GDAP1L1: variants seen among roughly 807,000 people sequenced by gnomAD.
GDAP1L1 encodes the protein ganglioside induced differentiation associated protein 1 like 1, also known as ganglioside-induced differentiation-associated protein 1-like 1.
Under a neutral mutation model 37.1 loss-of-function variants are expected in GDAP1L1, and 21 were observed. That is an observed-to-expected ratio of 0.57 (90% confidence interval 0.40 to 0.81). The LOEUF (loss-of-function observed/expected upper bound fraction) is 0.81, where lower values mean the gene tolerates loss of function less well. Among genes scored for constraint, GDAP1L1 ranks in the 40% least tolerant of loss-of-function variants. The probability of loss-of-function intolerance (pLI) is 0.00; values close to 1 mark genes in which losing one functional copy is unlikely to be tolerated. For synonymous variants in GDAP1L1, 193 were observed against 209.1 expected, an observed-to-expected ratio of 0.92 and a Z score of 0.67; for missense variants, 362 against 491.6, an observed-to-expected ratio of 0.74 and a Z score of 2.49.
At chr20:44,265,534 A>C (rs929583260) in intron 5 of GDAP1L1, 2 of 957,990 alleles carry the variant, frequency 2.1e-6, no homozygotes, top group Admixed American at 6.2e-5. Flanking sequence ...GAGTAAGAAA[A>C]ACTTGAAATA....
chr20:44,248,586 C>A (rs952460694), intron 1 of GDAP1L1, among the ~76,000 whole-genome samples: 2 of 152,258 alleles, frequency 1.3e-5, no homozygotes, highest in Non-Finnish European at 2.9e-5. Context: ...TAGCCACTTC[C>A]AATCCCAACC....
chr20:44,271,743 C>G (rs750821064), intron 5 of GDAP1L1, among the ~76,000 whole-genome samples: 2 of 151,958 alleles, frequency 1.3e-5, no homozygotes, highest in Non-Finnish European at 2.9e-5. Context: ...AAGGGGGAAT[C>G]GGGGGTTCAG....
chr20:44,257,266 G>A lies in GDAP1L1; in HGVS notation c.294G>A (p.Val98=). 6.2e-7 allele frequency: 1 copy of A among 1,613,832 alleles called. No individual in the cohort carries two copies. Among genetic ancestry groups the A allele is most frequent in the South Asian group, 1.1e-5 (1 of 91,028 alleles). ...TGCGGCTCAACCTGGGCGAGGAGGTGCCCGTCATCATCCACCGCGACAACA... is the reference window on the plus strand; with the variant it reads ...TGCGGCTCAACCTGGGCGAGGAGGTACCCGTCATCATCCACCGCGACAACA... ...WFMRLNLGEE[V]PVIIHRDNII... is the part of the protein sequence containing the mutation. The change falls in exon 2 of 6, where the codon GTG becomes GTA. Residue 98 remains valine, a synonymous_variant. Transcript: ENST00000342560.
chr20:44,256,989 G>T (rs1433751884), intron 1 of GDAP1L1, among the ~76,000 whole-genome samples, 164 bp from the exon 2 acceptor site: 2 of 152,120 alleles, frequency 1.3e-5, no homozygotes, highest in Non-Finnish European at 2.9e-5. Flanking sequence ...ACATGCCCCT[G>T]GGAGATATCC....
intron 1 of GDAP1L1, among the ~76,000 whole-genome samples, chr20:44,251,370 T>G (rs906125961): frequency 1.3e-5 from 2 of 152,184 alleles, no homozygotes; most frequent in African/African-American, 4.8e-5. Flanking sequence ...CTGTCTTGGA[T>G]GTACCTCTGG....
Position 44,276,355 on chromosome 20 carries a change from A to AAAGGAAGGAAGGAAGGAAGGAAGGAAGG in GDAP1L1, c.761-2599_761-2572dup, listed in dbSNP as rs3037695. ...GTCAAAAAGAAAGAAAGAAAGAAGG[A>AAAGGAAGGAAGGAAGGAAGGAAGGAAGG]AAGGAAGGAAGGAAGGAAGGAAGGA... is the stretch of plus-strand genomic sequence containing the variant. On this transcript the variant is annotated intron_variant, in intron 5 of 5. Transcript: ENST00000342560. Among the ~76,000 whole-genome samples, 550 of 130,296 alleles carry AAAGGAAGGAAGGAAGGAAGGAAGGAAGG rather than the reference A, an allele frequency of 4.2e-3. 8 individuals carry two copies. The highest frequency in any genetic ancestry group is 0.013 in the African/African-American group (413 of 32,734). The allele number at this position is 130,296 out of a possible 152,430, so 85.5% of individuals were successfully genotyped here.
rs1370650589 is a variant in GDAP1L1 at position 44,258,664 on chromosome 20, T to C, written c.547+57T>C. The C allele has an allele frequency of 3.0e-6, 4 of 1,324,376 alleles. No homozygotes were observed. The Admixed American group carries it at 6.1e-5, about 20-fold the overall frequency. 82.0% of individuals were successfully genotyped at this position (1,324,376 alleles called of 1,614,324 possible). On this transcript the variant is annotated intron_variant, in intron 3 of 5. Transcript: ENST00000342560. ...GCTTTCCCCCTTTGCGCCGCTCCTT[T>C]CTTCCAAAGGATGTCCTCCCTCTCC...
At chr20:44,278,153 CAAA>C (rs3037697) in intron 5 of GDAP1L1, among the ~76,000 whole-genome samples, 140 of 85,984 alleles carry the variant, frequency 1.6e-3, no homozygotes, top group African/African-American at 4.5e-3. Context: ...GACTCCATCT[CAAA>C]AAAAAAAAAA....
intron 5 of GDAP1L1, among the ~76,000 whole-genome samples, chr20:44,270,559 G>C (rs2062504363): frequency 6.6e-6 from 1 of 152,178 alleles, no homozygotes; most frequent in African/African-American, 2.4e-5. Context: ...TCTGAGTCAG[G>C]GTTGCTTGAT....
intron 5 of GDAP1L1, among the ~76,000 whole-genome samples, chr20:44,272,094 G>A (rs1186988417): frequency 2.0e-5 from 3 of 152,148 alleles, no homozygotes; most frequent in African/African-American, 7.2e-5. Context: ...CTAACTTTCC[G>A]AAGCCAGAGG....
chr20:44,275,421 G>T (rs1158761425), intron 5 of GDAP1L1, among the ~76,000 whole-genome samples: 1 of 152,168 alleles, frequency 6.6e-6, no homozygotes, highest in African/African-American at 2.4e-5. Flanking sequence ...ACGGTAGGGA[G>T]CACTGGACTC....
intron 1 of GDAP1L1, 102 bp from the exon 2 acceptor site, chr20:44,257,049 CTG>C: frequency 1.7e-6 from 2 of 1,200,144 alleles, no homozygotes; most frequent in Non-Finnish European, 2.3e-6. Flanking sequence ...GTGTCCCCTC[CTG>C]TGTGTGACCT....
chr20:44,272,853 C>T lies in GDAP1L1; in HGVS notation c.761-6104C>T, dbSNP rs951039990. 7.2e-5 allele frequency among the ~76,000 whole-genome samples: 11 copies of T among 152,340 alleles called. 1 individual carries two copies. Among genetic ancestry groups the T allele is most frequent in the South Asian group, 2.1e-4 (1 of 4,832 alleles). ...TCACATGTGTGGTAATCCCACACCA[C>T]GTGGACACAGATGCCCAGGAGAGTG... On this transcript the variant is annotated intron_variant, in intron 5 of 5. Transcript: ENST00000342560.
At chr20:44,251,530 C>A (rs566951575) in intron 1 of GDAP1L1, among the ~76,000 whole-genome samples, 1 of 152,358 alleles carries the variant, frequency 6.6e-6, no homozygotes, top group South Asian at 2.1e-4. Flanking sequence ...GCCTTTCAAA[C>A]TCTTAGGGCT....
intron 1 of GDAP1L1, among the ~76,000 whole-genome samples, chr20:44,254,777 G>A (rs2073508056): frequency 6.6e-6 from 1 of 152,198 alleles, no homozygotes; most frequent in Non-Finnish European, 1.5e-5. Flanking sequence ...AATGTTGGGT[G>A]TTTCAGGGCA....
At position 44,279,197 on chromosome 20, in the gene GDAP1L1, T is replaced by C. The variant is rs747272212; in HGVS notation, c.1001T>C (p.Val334Ala). The change falls in exon 6 of 6, where the codon GTC becomes GCC. Residue 334 changes from valine (V) to alanine (A), a missense_variant. This residue lies in a region of GDAP1L1 where 85 missense variants were observed against 154.4 expected (regional missense o/e 0.55). Coordinates refer to ENST00000342560, the MANE Select transcript of GDAP1L1 (RefSeq NM_024034.6). ...GTCATCCCCAATGCTTTCCGGCTGG[T>C]CAAGAGGAAACCCCCATCCTTCTTC... ...SAVIPNAFRL[V>A]KRKPPSFFGA... The C allele has an allele frequency of 6.2e-7, 1 of 1,614,100 alleles. No individual in the cohort carries two copies. Among genetic ancestry groups the C allele is most frequent in the East Asian group, 2.2e-5 (1 of 44,882 alleles).
intron 1 of GDAP1L1, among the ~76,000 whole-genome samples, chr20:44,249,694 C>T (rs1414460833): frequency 6.6e-6 from 1 of 152,232 alleles, no homozygotes. Flanking sequence ...CTGCTGCAGC[C>T]CCACTTTTGA....
At chr20:44,276,941 C>T (rs1353283971) in intron 5 of GDAP1L1, among the ~76,000 whole-genome samples, 1 of 152,210 alleles carries the variant, frequency 6.6e-6, no homozygotes, top group Non-Finnish European at 1.5e-5. Context: ...TCTTTGCTCA[C>T]ATGCCAGCTT....
chr20:44,258,637 C>T, intron 3 of GDAP1L1, 30 bp downstream of exon 3: 1 of 1,523,244 alleles, frequency 6.6e-7, no homozygotes, highest in Non-Finnish European at 9.0e-7. Context: ...GACAGCCCCT[C>T]TGCTTTCCCC....
Sources: gnomAD v4.1 joint callset for allele counts (sites outside exome capture counted in the v4.1 genomes callset) on GRCh38, gnomAD v4.1.1 for gene constraint, gnomAD v4.1.1 regional missense constraint, MANE v1.5 for transcripts, NCBI Gene and HGNC (gene_info 2026-07-23, HGNC 2026-07-21) for gene names.